Variants in UBE2E2 observed in about 807,000 individuals in gnomAD.
UBE2E2 encodes ubiquitin-conjugating enzyme E2 E2.
UBE2E2 carries 6 observed loss-of-function variants against 24.7 expected under a neutral mutation model. The ratio of observed to expected loss-of-function variants is 0.24; its 90% CI spans 0.13 to 0.48. UBE2E2 has a LOEUF of 0.48. Among genes scored for constraint, UBE2E2 ranks in the 20% least tolerant of loss-of-function variants. UBE2E2 has a pLI of 0.99. For missense variants in UBE2E2, 169 were observed against 245.0 expected (o/e 0.69, Z 2.07); for synonymous variants, 104 against 83.6 (o/e 1.24, Z -1.33).
At chr3:23,257,436 T>C (rs1479500665) in intron 3 of UBE2E2, among the ~76,000 whole-genome samples, 1 of 148,658 alleles carries the variant, frequency 6.7e-6, no homozygotes, top group African/African-American at 2.5e-5. Context: ...ATAGATGTAC[T>C]TAAGCAAGAT....
chr3:23,267,034 C>T (rs1280586021), intron 3 of UBE2E2, among the ~76,000 whole-genome samples: 1 of 151,914 alleles, frequency 6.6e-6, no homozygotes, highest in Non-Finnish European at 1.5e-5. Flanking sequence ...ATACCAGAAT[C>T]TCTGGGACAC....
chr3:23,284,597 G>T (rs1698567282), intron 3 of UBE2E2, among the ~76,000 whole-genome samples: 1 of 152,036 alleles, frequency 6.6e-6, no homozygotes, highest in South Asian at 2.1e-4. Context: ...ATACATGTCT[G>T]TGTGAGGTGG....
intron 3 of UBE2E2, among the ~76,000 whole-genome samples, chr3:23,228,080 A>G (rs927140345): frequency 2.0e-5 from 3 of 152,200 alleles, no homozygotes; most frequent in Admixed American, 2.0e-4. Context: ...AGGGAAGACA[A>G]CTGTCTCAAT....
chr3:23,347,644 T>C (rs181720316), intron 3 of UBE2E2, among the ~76,000 whole-genome samples: 1 of 152,290 alleles, frequency 6.6e-6, no homozygotes, highest in African/African-American at 2.4e-5. Context: ...ATGGCACATG[T>C]ATACCTATGT....
chr3:23,443,194 C>T (rs1011695990), intron 3 of UBE2E2, among the ~76,000 whole-genome samples: 6 of 152,134 alleles, frequency 3.9e-5, no homozygotes, highest in African/African-American at 1.4e-4. Flanking sequence ...TGTGGTTTCA[C>T]TTACCACCTC....
intron 3 of UBE2E2, among the ~76,000 whole-genome samples, chr3:23,428,928 T>A (rs76797536): frequency 1.3e-5 from 1 of 75,906 alleles, no homozygotes; most frequent in African/African-American, 5.5e-5. Flanking sequence ...CTCTGTCTCT[T>A]AAAAAAAAAA....
At chr3:23,534,335 T>A (rs565344021) in intron 5 of UBE2E2, 4 of 786,492 alleles carry the variant, frequency 5.1e-6, no homozygotes, top group Non-Finnish European at 6.2e-6. Flanking sequence ...ACTAGTTTTT[T>A]TTTTTTGCTC....
In UBE2E2 at chr3:23,321,446, CT is replaced by C. The variant is rs144331456; in HGVS notation, c.227+104135del. Reference sequence around the variant, plus strand: ...GTCAGAGTGGCAAAACAGGCATTGCCTGGCTGCCGCTACTACCTACTTGGTA... The same window carrying C: ...GTCAGAGTGGCAAAACAGGCATTGCCGGCTGCCGCTACTACCTACTTGGTA... On this transcript the variant is annotated intron_variant, in intron 3 of 5. Coordinates refer to ENST00000396703, the MANE Select transcript of UBE2E2 (RefSeq NM_152653.4). Among the ~76,000 whole-genome samples, 470 of 151,982 alleles carry C rather than the reference CT, an allele frequency of 3.1e-3. 2 individuals carry two copies. Among genetic ancestry groups the C allele is most frequent in the African/African-American group, 0.011 (454 of 41,438 alleles).
intron 3 of UBE2E2, among the ~76,000 whole-genome samples, chr3:23,336,492 G>A (rs1001756565): frequency 2.0e-5 from 3 of 152,132 alleles, no homozygotes; most frequent in Non-Finnish European, 2.9e-5. Context: ...GCTGAACTGA[G>A]AATACAGAAT....
chr3:23,355,992 T>C (rs1189287036), intron 3 of UBE2E2, among the ~76,000 whole-genome samples: 1 of 152,228 alleles, frequency 6.6e-6, no homozygotes, highest in African/African-American at 2.4e-5. Flanking sequence ...ACTGATTGAA[T>C]TGATTACTTC....
intron 3 of UBE2E2, among the ~76,000 whole-genome samples, chr3:23,490,031 A>G (rs867829493): frequency 2.0e-5 from 3 of 152,226 alleles, no homozygotes; most frequent in African/African-American, 7.2e-5. Flanking sequence ...CACACAGCTC[A>G]TTTCTGGAGT....
intron 3 of UBE2E2, among the ~76,000 whole-genome samples, chr3:23,495,241 C>G (rs1017138591): frequency 6.6e-6 from 1 of 152,158 alleles, no homozygotes; most frequent in African/African-American, 2.4e-5. Context: ...ACCAATAAAA[C>G]TTGGAGTTCT....
At chr3:23,385,892 AG>A (rs1425267301) in intron 3 of UBE2E2, among the ~76,000 whole-genome samples, 1 of 152,256 alleles carries the variant, frequency 6.6e-6, no homozygotes, top group African/African-American at 2.4e-5. Flanking sequence ...CATAAGTGGT[AG>A]CTGCTATTAT....
chr3:23,301,188 A>AT (rs933452816), intron 3 of UBE2E2, among the ~76,000 whole-genome samples: 14 of 151,396 alleles, frequency 9.2e-5, no homozygotes, highest in African/African-American at 3.2e-4. Context: ...CATTCGTCTA[A>AT]TTTTTTTTCA....
rs574822633 is a variant in UBE2E2, at chr3:23,293,443, A to G, written c.227+76131A>G. Among the ~76,000 whole-genome samples, 216 of 152,356 alleles carry G rather than the reference A, an allele frequency of 1.4e-3. 2 individuals carry two copies. The highest frequency in any genetic ancestry group is 2.1e-3 in the East Asian group (11 of 5,182). On this transcript the variant is annotated intron_variant, in intron 3 of 5. Transcript: ENST00000396703. Reference sequence around the variant, plus strand: ...AAATGCATAATATTGTGTCTGGCATATAGTAGGCATTCAGTAAATAGTTGT... The same window carrying G: ...AAATGCATAATATTGTGTCTGGCATGTAGTAGGCATTCAGTAAATAGTTGT...
chr3:23,223,481 C>T lies in UBE2E2; in HGVS notation c.227+6169C>T, dbSNP rs111326196. On this transcript the variant is annotated intron_variant, in intron 3 of 5. Coordinates refer to ENST00000396703, the MANE Select transcript of UBE2E2 (RefSeq NM_152653.4). Reference sequence around the variant, plus strand: ...GTGCTAGTATTACAGGCGTGAGCTGCGCTTGGCCCTTTTGCCTGTTTTAAA... The same window carrying T: ...GTGCTAGTATTACAGGCGTGAGCTGTGCTTGGCCCTTTTGCCTGTTTTAAA... Among the ~76,000 whole-genome samples the T allele has an allele frequency of 4.3e-3, 660 of 152,228 alleles. 3 individuals are homozygous for T. Among genetic ancestry groups the T allele is most frequent in the South Asian group, 0.021 (99 of 4,812 alleles).
At chr3:23,423,069 G>C (rs904813341) in intron 3 of UBE2E2, among the ~76,000 whole-genome samples, 1 of 152,128 alleles carries the variant, frequency 6.6e-6, no homozygotes, top group Non-Finnish European at 1.5e-5. Context: ...TACAGTTCTT[G>C]TTTAAGATGT....
chr3:23,403,187 C>T (rs1697272896), intron 3 of UBE2E2, among the ~76,000 whole-genome samples: 1 of 152,242 alleles, frequency 6.6e-6, no homozygotes, highest in Non-Finnish European at 1.5e-5. Context: ...ACAGTTACCA[C>T]TAGTACTTTG....
intron 5 of UBE2E2, among the ~76,000 whole-genome samples, chr3:23,553,824 A>G (rs1170056808): frequency 6.6e-6 from 1 of 152,212 alleles, no homozygotes; most frequent in African/African-American, 2.4e-5. Flanking sequence ...TAAAATACTT[A>G]GGAATAAATT....
Sources: allele counts gnomAD v4.1 joint callset (sites outside exome capture counted in the v4.1 genomes callset), GRCh38; gene constraint gnomAD v4.1.1; transcripts MANE v1.5; gene names NCBI Gene and HGNC (gene_info 2026-07-23, HGNC 2026-07-21).